Variants in SYN2 observed in about 807,000 individuals in gnomAD.
The protein encoded by SYN2 is synapsin-2.
Under a neutral mutation model 50.9 loss-of-function variants are expected in SYN2, and 19 were observed. The ratio of observed to expected loss-of-function variants is 0.37; its 90% CI spans 0.26 to 0.55. The LOEUF (loss-of-function observed/expected upper bound fraction) is 0.55, where lower values mean the gene tolerates loss of function less well. SYN2 is among the 20% of genes least tolerant of loss of function. The pLI is 0.81. For synonymous variants in SYN2, 255 were observed against 224.9 expected (o/e 1.13, Z -1.20); for missense variants, 587 against 576.4 (o/e 1.02, Z -0.19).
intron 1 of SYN2, among the ~76,000 whole-genome samples, chr3:12,106,208 C>T (rs1011623379): frequency 2.6e-5 from 4 of 152,190 alleles, no homozygotes; most frequent in African/African-American, 9.6e-5. Context: ...ATGTGGCCTT[C>T]TCAATCTTTA....
At chr3:12,026,763 T>C (rs1210606105) in intron 1 of SYN2, among the ~76,000 whole-genome samples, 1 of 152,142 alleles carries the variant, frequency 6.6e-6, no homozygotes, top group Non-Finnish European at 1.5e-5. Flanking sequence ...AATAGTACAG[T>C]GGTGGGGACT....
chr3:12,029,146 T>A (rs1338397658), intron 1 of SYN2, among the ~76,000 whole-genome samples: 2 of 94,062 alleles, frequency 2.1e-5, no homozygotes, highest in East Asian at 5.6e-4. Flanking sequence ...CCTTTCCCCA[T>A]TGCTTGTTTT....
At chr3:12,111,248 A>G (rs930533145) in intron 1 of SYN2, among the ~76,000 whole-genome samples, 2 of 152,182 alleles carry the variant, frequency 1.3e-5, no homozygotes, top group East Asian at 3.9e-4. Flanking sequence ...GCTGCCATCC[A>G]TGTAAGACAT....
intron 4 of SYN2, among the ~76,000 whole-genome samples, chr3:12,146,277 A>G (rs1697149279): frequency 6.6e-6 from 1 of 152,262 alleles, no homozygotes; most frequent in Admixed American, 6.5e-5. Flanking sequence ...AGTCCAACTC[A>G]GGTAGTGACA....
At chr3:12,070,348 G>A in intron 1 of SYN2, 1 of 511,200 alleles carries the variant, frequency 2.0e-6, no homozygotes, top group South Asian at 1.6e-5. Flanking sequence ...CTGGCACCAG[G>A]GCACGATGGT....
At chr3:12,069,189 C>T (rs888930233) in intron 1 of SYN2, among the ~76,000 whole-genome samples, 1 of 151,116 alleles carries the variant, frequency 6.6e-6, no homozygotes, top group African/African-American at 2.4e-5. Flanking sequence ...GTTGTTTCCA[C>T]TTTTTGGCCG....
At chr3:12,098,975 G>A (rs1028891563) in intron 1 of SYN2, among the ~76,000 whole-genome samples, 3 of 151,188 alleles carry the variant, frequency 2.0e-5, no homozygotes, top group African/African-American at 7.3e-5. Flanking sequence ...ACAAAGAAGA[G>A]CATGATATAT....
intron 1 of SYN2, among the ~76,000 whole-genome samples, chr3:12,087,998 A>G (rs1301117993): frequency 6.6e-6 from 1 of 152,156 alleles, no homozygotes; most frequent in Non-Finnish European, 1.5e-5. Flanking sequence ...AGAGAAAACC[A>G]TAGGTTGAGC....
At chr3:12,016,992 C>A (rs912578427) in intron 1 of SYN2, among the ~76,000 whole-genome samples, 1 of 152,008 alleles carries the variant, frequency 6.6e-6, no homozygotes, top group African/African-American at 2.4e-5. Context: ...TATAGTCAAA[C>A]AATATCACAG....
chr3:12,158,502 T>A, intron 5 of SYN2: 1 of 700,108 alleles, frequency 1.4e-6, no homozygotes, highest in South Asian at 2.0e-5. Flanking sequence ...GAAATCTTCA[T>A]TTCCTTATGA....
At chr3:12,154,367 T>A in intron 5 of SYN2, 1 of 1,614,198 alleles carries the variant, frequency 6.2e-7, no homozygotes, top group Non-Finnish European at 8.5e-7. Context: ...ATTCAGACTT[T>A]CCCTCTGCAC....
At chr3:12,153,338 G>A in intron 5 of SYN2, 4 of 691,804 alleles carry the variant, frequency 5.8e-6, no homozygotes, top group Non-Finnish European at 1.0e-5. Context: ...ACAGGCTGAG[G>A]GCAGGGCAGA....
chr3:12,118,902 C>T (rs1696490340), intron 1 of SYN2, among the ~76,000 whole-genome samples: 2 of 152,182 alleles, frequency 1.3e-5, no homozygotes, highest in Admixed American at 1.3e-4. Context: ...CCATAATATT[C>T]TCATTTCAGC....
chr3:12,014,117 A>G (rs1241344410), intron 1 of SYN2, among the ~76,000 whole-genome samples: 2 of 152,120 alleles, frequency 1.3e-5, no homozygotes, highest in African/African-American at 4.8e-5. Flanking sequence ...TGGACACAAC[A>G]CAATGGTCTG....
At chr3:12,087,908 C>T (rs1212039265) in intron 1 of SYN2, among the ~76,000 whole-genome samples, 1 of 150,794 alleles carries the variant, frequency 6.6e-6, no homozygotes, top group East Asian at 2.0e-4. Context: ...ACCTTTATCT[C>T]ACATCATATA....
rs75715700 is a variant in SYN2 at position 12,035,624 on chromosome 3, C to T, written c.377+30696C>T. ...GGAGGCTATCATAAATTGATTTGAC[C>T]GGAAAAGGTGGGGCATCTCAAGAGT... is the stretch of plus-strand genomic sequence containing the variant. On this transcript the variant is annotated intron_variant, in intron 1 of 12. Coordinates refer to ENST00000621198, the MANE Select transcript of SYN2 (RefSeq NM_133625.6). Among the ~76,000 whole-genome samples the T allele has an allele frequency of 6.8e-4, 104 of 152,182 alleles. No homozygotes were observed. In the East Asian group the frequency reaches 0.016, roughly 23 times the overall value.
chr3:12,015,503 A>G (rs1270462527), intron 1 of SYN2, among the ~76,000 whole-genome samples: 1 of 152,242 alleles, frequency 6.6e-6, no homozygotes, highest in East Asian at 1.9e-4. Flanking sequence ...TTCCCTGTAA[A>G]TATAAACAAA....
At chr3:12,066,458 G>T (rs1448712689) in intron 1 of SYN2, among the ~76,000 whole-genome samples, 3 of 152,148 alleles carry the variant, frequency 2.0e-5, no homozygotes, top group African/African-American at 7.2e-5. Context: ...CAAGGTTGGG[G>T]GGAGTCTTAT....
intron 1 of SYN2, among the ~76,000 whole-genome samples, chr3:12,118,715 T>G (rs1696487218): frequency 6.6e-6 from 1 of 152,148 alleles, no homozygotes; most frequent in African/African-American, 2.4e-5. Context: ...GTTATAGCAT[T>G]ATACCATCAC....
Sources: gnomAD v4.1 joint callset for allele counts (sites outside exome capture counted in the v4.1 genomes callset) on GRCh38, gnomAD v4.1.1 for gene constraint, MANE v1.5 for transcripts, NCBI Gene and HGNC (gene_info 2026-07-23, HGNC 2026-07-21) for gene names.